ZNF814: variants seen among roughly 807,000 people sequenced by gnomAD.
ZNF814 encodes zinc finger protein 814.
ZNF814 carries 5 observed loss-of-function variants against 7.5 expected under a neutral mutation model. The ratio of observed to expected loss-of-function variants is 0.67; its 90% CI spans 0.35 to 1.40. The LOEUF is 1.40. Ranked by LOEUF, ZNF814 falls within the 40% of genes most tolerant of loss-of-function variation. ZNF814 has a pLI of 0.04. For missense variants in ZNF814, 962 were observed against 1,018.0 expected (o/e 0.94, Z 0.75); for synonymous variants, 315 against 340.7 (o/e 0.92, Z 0.83).
intron 1 of ZNF814, among the ~76,000 whole-genome samples, chr19:57,883,940 AG>A (rs2071669137): frequency 6.6e-6 from 1 of 152,042 alleles, no homozygotes; most frequent in African/African-American, 2.4e-5. Flanking sequence ...TATTTTTAGT[AG>A]AGATGGGGTT....
At chr19:57,877,692 C>T (rs997758996) in intron 1 of ZNF814, among the ~76,000 whole-genome samples, 2 of 152,118 alleles carry the variant, frequency 1.3e-5, no homozygotes, top group Admixed American at 6.5e-5. Flanking sequence ...CCTCCCACCT[C>T]GGCCTCCCAA....
At chr19:57,891,259 C>T (rs554011290), upstream of ZNF814, among the ~76,000 whole-genome samples, 1 of 152,290 alleles carries the variant, frequency 6.6e-6, no homozygotes, top group East Asian at 1.9e-4. Context: ...GGCGCGGTGG[C>T]TCACGCCTGT....
At chr19:57,890,231 T>C (rs1326746622), upstream of ZNF814, among the ~76,000 whole-genome samples, 3 of 152,214 alleles carry the variant, frequency 2.0e-5, no homozygotes, top group Non-Finnish European at 4.4e-5. Flanking sequence ...ACAGGGAAAT[T>C]GCAAAAGAAA....
Position 57,872,796 on chromosome 19 carries a change from T to A in ZNF814, c.*26A>T. On this transcript the variant is annotated 3_prime_UTR_variant, in exon 3 of 3. Coordinates refer to ENST00000435989, the MANE Select transcript of ZNF814 (RefSeq NM_001144989.2). ...TGTGCAATGAGGTGGTCCTTCTTGC[T>A]AAAAACTTTCTGACAATCCTCACAC... The A allele has an allele frequency of 6.2e-7, 1 of 1,607,312 alleles. No individual in the cohort carries two copies. Among genetic ancestry groups the A allele is most frequent in the South Asian group, 1.1e-5 (1 of 90,310 alleles).
chr19:57,903,823 T>C, the ZNF814 span, among the ~76,000 whole-genome samples: 2 of 152,210 alleles, frequency 1.3e-5, no homozygotes, highest in African/African-American at 4.8e-5. Context: ...CAATGATAGC[T>C]GTGGCGGTTT....
chr19:57,900,872 G>C, the ZNF814 span, among the ~76,000 whole-genome samples: 1 of 24,770 alleles, frequency 4.0e-5, no homozygotes, highest in African/African-American at 8.9e-5. Flanking sequence ...TTTTGAGACG[G>C]AGTCTTGCTC....
At chr19:57,876,891 C>T in intron 2 of ZNF814, 25 bp downstream of exon 2, 2 of 1,613,626 alleles carry the variant, frequency 1.2e-6, no homozygotes, top group South Asian at 1.1e-5. Flanking sequence ...TAGCTCAGGT[C>T]ACAGGGTGAG....
the ZNF814 span, among the ~76,000 whole-genome samples, chr19:57,898,082 G>A: frequency 5.3e-5 from 8 of 152,318 alleles, no homozygotes; most frequent in Non-Finnish European, 8.8e-5. Context: ...TGGAGCTGAT[G>A]TTTCTATTAT....
chr19:57,893,317 G>A (rs1302834471), upstream of ZNF814, among the ~76,000 whole-genome samples: 1 of 151,846 alleles, frequency 6.6e-6, no homozygotes, highest in Non-Finnish European at 1.5e-5. Context: ...GGGATTACAG[G>A]CACGCACCAC....
chr19:57,889,083 C>G, upstream of ZNF814: 1 of 509,654 alleles, frequency 2.0e-6, no homozygotes, highest in Non-Finnish European at 3.5e-6. Context: ...TTGTCACGTG[C>G]ACACAGGAAA....
chr19:57,889,764 C>T (rs565033199), upstream of ZNF814, among the ~76,000 whole-genome samples: 147 of 151,114 alleles, frequency 9.7e-4, 1 homozygote, highest in Non-Finnish European at 1.5e-3. Context: ...CTGGGGAGGC[C>T]GAGGCAGGAG....
chr19:57,897,757 A>G, the ZNF814 span, among the ~76,000 whole-genome samples: 24 of 152,250 alleles, frequency 1.6e-4, no homozygotes, highest in Middle Eastern at 3.4e-3. Flanking sequence ...AAGTTGGTCT[A>G]TTGCTTGGAG....
intron 2 of ZNF814, 146 bp from the exon 3 acceptor site, chr19:57,875,372 T>C: frequency 6.5e-7 from 1 of 1,538,174 alleles, no homozygotes; most frequent in Non-Finnish European, 8.8e-7. Flanking sequence ...AAGATGGTGC[T>C]ATGTATTATT....
At chr19:57,895,555 T>A in the ZNF814 span, among the ~76,000 whole-genome samples, 12 of 152,116 alleles carry the variant, frequency 7.9e-5, no homozygotes, top group Non-Finnish European at 1.6e-4. Flanking sequence ...AAATTACAGG[T>A]GTGAGTCACC....
chr19:57,879,613 A>G (rs959849606), intron 1 of ZNF814, among the ~76,000 whole-genome samples: 1 of 148,466 alleles, frequency 6.7e-6, no homozygotes, highest in Admixed American at 6.8e-5. Flanking sequence ...CACATTAGCT[A>G]TCATATACTG....
At chr19:57,898,731 A>G in the ZNF814 span, among the ~76,000 whole-genome samples, 2 of 152,224 alleles carry the variant, frequency 1.3e-5, no homozygotes, top group Non-Finnish European at 2.9e-5. Flanking sequence ...TGGCAAGGTC[A>G]AGAGATTGAG....
At chr19:57,900,839 A>ATTTCTTTTTTTTTTTTTT in the ZNF814 span, among the ~76,000 whole-genome samples, 1 of 45,782 alleles carries the variant, frequency 2.2e-5, no homozygotes, top group Non-Finnish European at 3.8e-5. Flanking sequence ...CCATGGCTGC[A>ATTTCTTTTTTTTTTTTTT]TTTTTTTTTT....
In ZNF814 at chr19:57,872,702, G is replaced by A; in HGVS notation, c.*120C>T. 1.2e-6 allele frequency: 2 copies of A among 1,602,208 alleles called. No homozygotes were observed. The highest frequency in any genetic ancestry group is 1.7e-6 in the Non-Finnish European group (2 of 1,172,874). ...AACTCTCTTATGAACACAGAATGCAGAGCTGTGGGTAGATGACTTCCCACA... is the reference window on the plus strand; with the variant it reads ...AACTCTCTTATGAACACAGAATGCAAAGCTGTGGGTAGATGACTTCCCACA... On this transcript the variant is annotated 3_prime_UTR_variant, in exon 3 of 3. Transcript: ENST00000435989.
At chr19:57,895,177 CTCTTAGGAAGGACTAAA>C in the ZNF814 span, among the ~76,000 whole-genome samples, 1 of 152,136 alleles carries the variant, frequency 6.6e-6, no homozygotes, top group African/African-American at 2.4e-5. Context: ...GGGCCTCTAA[CTCTTAGGAAGGACTAAA>C]TCTTAGGAAG....
Sources: allele counts gnomAD v4.1 joint callset (sites outside exome capture counted in the v4.1 genomes callset), GRCh38; gene constraint gnomAD v4.1.1; transcripts MANE v1.5; gene names NCBI Gene and HGNC (gene_info 2026-07-23, HGNC 2026-07-21).